ATXN1: variants seen among roughly 807,000 people sequenced by gnomAD.
ATXN1 encodes ataxin 1.
ATXN1 carries 8 observed loss-of-function variants against 56.4 expected under a neutral mutation model. The observed-to-expected ratio is 0.14, with a 90% CI of 0.08 to 0.26. The LOEUF (loss-of-function observed/expected upper bound fraction) is 0.26. ATXN1 is among the 10% of genes least tolerant of loss of function. ATXN1 has a pLI of 1.00. For synonymous variants in ATXN1, 514 were observed against 494.6 expected, an observed-to-expected ratio of 1.04 and a Z score of -0.52; for missense variants, 987 against 1,106.5, an observed-to-expected ratio of 0.89 and a Z score of 1.53.
intron 4 of ATXN1, among the ~76,000 whole-genome samples, chr6:16,535,190 AGGAAGAGG>A (rs1319967379): frequency 1.3e-5 from 2 of 152,198 alleles, no homozygotes; most frequent in African/African-American, 2.4e-5. Flanking sequence ...CTCCCACAAA[AGGAAGAGG>A]GGGAGCTAAT....
chr6:16,388,280 T>C (rs1365669106), intron 6 of ATXN1, among the ~76,000 whole-genome samples: 1 of 152,198 alleles, frequency 6.6e-6, no homozygotes, highest in Non-Finnish European at 1.5e-5. Flanking sequence ...CAGCTTATTA[T>C]GTGTATCTAT....
At chr6:16,685,577 GAAT>G (rs1236835833) in intron 2 of ATXN1, among the ~76,000 whole-genome samples, 1 of 152,104 alleles carries the variant, frequency 6.6e-6, no homozygotes, top group African/African-American at 2.4e-5. Context: ...CTGAAGAAAA[GAAT>G]ATTATTATTA....
intron 5 of ATXN1, among the ~76,000 whole-genome samples, chr6:16,498,777 T>C (rs1270403521): frequency 1.3e-5 from 2 of 152,246 alleles, no homozygotes; most frequent in African/African-American, 2.4e-5. Flanking sequence ...TTTCATAAGC[T>C]TATTGGCTAT....
chr6:16,327,202 T>C lies in ATXN1; in HGVS notation c.1109A>G (p.Tyr370Cys). Residue 370 changes from tyrosine to cysteine, a missense_variant, in exon 7 of 8, where the codon TAC (tyrosine) becomes TGC (cysteine). Coordinates refer to ENST00000436367, the MANE Select transcript of ATXN1 (RefSeq NM_001128164.2). ...GACCCCCGAAGGATCACGACTGCTGTAGTCTGAGGGGCTCGGGTGGACCAC... is the reference window on the plus strand; with the variant it reads ...GACCCCCGAAGGATCACGACTGCTGCAGTCTGAGGGGCTCGGGTGGACCAC... The part of the protein sequence containing the change: ...HVVVHPSPSD[Y>C]SSRDPSGVRA... 1.2e-6 allele frequency: 2 copies of C among 1,613,856 alleles called. No individual in the cohort carries two copies. The highest frequency in any genetic ancestry group is 8.5e-7 in the Non-Finnish European group (1 of 1,179,860).
intron 4 of ATXN1, among the ~76,000 whole-genome samples, chr6:16,524,250 CT>C (rs1465178717): frequency 6.6e-6 from 1 of 152,196 alleles, no homozygotes; most frequent in Non-Finnish European, 1.5e-5. Context: ...ATGACACTTA[CT>C]ATGCAGTCAG....
intron 6 of ATXN1, among the ~76,000 whole-genome samples, chr6:16,366,420 A>G (rs1301054195): frequency 6.6e-6 from 1 of 152,114 alleles, no homozygotes; most frequent in Non-Finnish European, 1.5e-5. Context: ...AATATAACAA[A>G]AGGGCCTCTT....
chr6:16,716,706 A>C (rs1024741229), intron 2 of ATXN1, among the ~76,000 whole-genome samples: 3 of 152,238 alleles, frequency 2.0e-5, no homozygotes, highest in Non-Finnish European at 2.9e-5. Flanking sequence ...ACCATGACTC[A>C]AATCAAATTC....
intron 6 of ATXN1, among the ~76,000 whole-genome samples, chr6:16,440,091 T>C (rs1055648530): frequency 4.3e-5 from 6 of 139,596 alleles, no homozygotes; most frequent in African/African-American, 1.3e-4. Context: ...AAAAAAAAAA[T>C]TGAAGTGGGG....
At chr6:16,614,555 T>C (rs990439846) in intron 3 of ATXN1, among the ~76,000 whole-genome samples, 2 of 151,728 alleles carry the variant, frequency 1.3e-5, no homozygotes, top group Non-Finnish European at 2.9e-5. Context: ...GAATACTATG[T>C]ATTTGCCACA....
chr6:16,335,404 T>C (rs906081827), intron 6 of ATXN1, among the ~76,000 whole-genome samples: 2 of 152,170 alleles, frequency 1.3e-5, no homozygotes, highest in African/African-American at 4.8e-5. Flanking sequence ...CCCAACGCGC[T>C]CGGGTTTCCC....
intron 4 of ATXN1, among the ~76,000 whole-genome samples, chr6:16,562,326 T>A (rs1440381080): frequency 1.3e-4 from 18 of 138,506 alleles, no homozygotes; most frequent in African/African-American, 4.7e-4. Flanking sequence ...TGAGCCAAGA[T>A]CACCCCACTG....
At chr6:16,314,091 G>A (rs115396707) in intron 7 of ATXN1, among the ~76,000 whole-genome samples, 4,582 of 152,298 alleles carry the variant, frequency 0.03, 109 homozygotes, top group Non-Finnish European at 0.044. Context: ...GGCACAGATC[G>A]GATAGCTTGC....
At chr6:16,388,426 G>A (rs1303123497) in intron 6 of ATXN1, among the ~76,000 whole-genome samples, 1 of 152,176 alleles carries the variant, frequency 6.6e-6, no homozygotes, top group Non-Finnish European at 1.5e-5. Context: ...GCACTAGATT[G>A]TCTGCTTCCA....
chr6:16,581,706 T>C lies in ATXN1; in HGVS notation c.-361+4074A>G, dbSNP rs116041670. On this transcript the variant is annotated intron_variant, in intron 4 of 7. Transcript: ENST00000436367. ...GTTAATTATGCATGTGCACAAAAGG[T>C]AGGATTAATTATATAATTAATCTCA... Among the ~76,000 whole-genome samples the C allele has an allele frequency of 3.5e-3, 530 of 152,256 alleles. 2 individuals carry two copies. Among genetic ancestry groups the C allele is most frequent in the African/African-American group, 0.012 (492 of 41,550 alleles).
intron 6 of ATXN1, among the ~76,000 whole-genome samples, chr6:16,381,194 G>T (rs969363097): frequency 6.6e-6 from 1 of 152,158 alleles, no homozygotes; most frequent in Non-Finnish European, 1.5e-5. Context: ...GAATGAGGGA[G>T]GAGAATCTCT....
intron 2 of ATXN1, among the ~76,000 whole-genome samples, chr6:16,729,337 G>C (rs1345360985): frequency 1.3e-5 from 2 of 152,228 alleles, no homozygotes; most frequent in Non-Finnish European, 2.9e-5. Context: ...AGAGAGCAAA[G>C]AGAAAATGAG....
chr6:16,632,960 G>C (rs1763532771), intron 3 of ATXN1, among the ~76,000 whole-genome samples: 1 of 149,806 alleles, frequency 6.7e-6, no homozygotes, highest in Non-Finnish European at 1.5e-5. Context: ...TCACGTCATT[G>C]CTCTCTAGCC....
At chr6:16,742,926 G>A (rs533606063) in intron 2 of ATXN1, among the ~76,000 whole-genome samples, 29 of 152,246 alleles carry the variant, frequency 1.9e-4, no homozygotes, top group African/African-American at 6.5e-4. Flanking sequence ...CCAGATAAAA[G>A]TATCTCCTTG....
rs34197922 is a variant in ATXN1 at position 16,504,993 on chromosome 6, C to CTTTTTTTTTTTTTTTTTTT, written c.-299+17633_-299+17634insAAAAAAAAAAAAAAAAAAA. Among the ~76,000 whole-genome samples the CTTTTTTTTTTTTTTTTTTT allele has an allele frequency of 7.2e-4, 97 of 135,250 alleles. 2 individuals carry two copies. The highest frequency in any genetic ancestry group is 2.7e-3 in the African/African-American group (93 of 35,010). 88.7% of individuals were successfully genotyped at this position (135,250 alleles called of 152,430 possible). On this transcript the variant is annotated intron_variant, in intron 5 of 7. Transcript: ENST00000436367. Reference sequence around the variant, plus strand: ...CTCCTGCAATCAGCTCTCCTGTTTCCTTTTTTTTTTTTTTTTTAGCTTTAG... The same window carrying CTTTTTTTTTTTTTTTTTTT: ...CTCCTGCAATCAGCTCTCCTGTTTCCTTTTTTTTTTTTTTTTTTTTTTTTTTTTTTTTTTTTAGCTTTAG...
Sources: allele counts gnomAD v4.1 joint callset (sites outside exome capture counted in the v4.1 genomes callset), GRCh38; gene constraint gnomAD v4.1.1; transcripts MANE v1.5; gene names NCBI Gene and HGNC (gene_info 2026-07-23, HGNC 2026-07-21).